The following NALCN variants were observed in gnomAD, a reference collection of about 807,000 sequenced individuals.
The protein encoded by NALCN is sodium leak channel, non-selective.
A neutral mutation model predicts 225.3 loss-of-function variants in NALCN; 111 were observed. The ratio of observed to expected loss-of-function variants is 0.49; its 90% CI spans 0.42 to 0.58. NALCN has a LOEUF of 0.58. Among genes scored for constraint, NALCN ranks in the 20% least tolerant of loss-of-function variants. The pLI is 0.00. For synonymous variants in NALCN, 764 were observed against 769.0 expected, an observed-to-expected ratio of 0.99 and a Z score of 0.11; for missense variants, 1,378 against 2,202.4, an observed-to-expected ratio of 0.63 and a Z score of 7.49.
chr13:101,202,334 A>G lies in NALCN; in HGVS notation c.1627-10280T>C, dbSNP rs2040154209. The stretch of plus-strand genomic sequence containing the variant: ...GGGTTAAGGAAAACCAATGAAGATG[A>G]CATGAAATGTATTTAAAATCCTATG... On this transcript the variant is annotated intron_variant, in intron 13 of 43. Coordinates refer to ENST00000251127, the MANE Select transcript of NALCN (RefSeq NM_052867.4). Among the ~76,000 whole-genome samples, 5 of 152,210 alleles carry G rather than the reference A, an allele frequency of 3.3e-5. No individual in the cohort carries two copies. The South Asian group carries it at 8.3e-4, about 25-fold the overall frequency.
intron 7 of NALCN, among the ~76,000 whole-genome samples, chr13:101,332,237 G>C (rs1008098507): frequency 6.6e-6 from 1 of 151,832 alleles, no homozygotes; most frequent in African/African-American, 2.4e-5. Context: ...TTGAAGAAAG[G>C]CATGAGTCTC....
At chr13:101,382,365 T>A (rs992565886) in intron 3 of NALCN, among the ~76,000 whole-genome samples, 1 of 152,124 alleles carries the variant, frequency 6.6e-6, no homozygotes, top group Non-Finnish European at 1.5e-5. Flanking sequence ...TCACAATGTA[T>A]TCTGATATGT....
chr13:101,158,039 C>A (rs2037991420), intron 15 of NALCN, among the ~76,000 whole-genome samples: 1 of 152,078 alleles, frequency 6.6e-6, no homozygotes, highest in Admixed American at 6.6e-5. Context: ...GGTGAGCAAC[C>A]AACTGTCTTT....
At chr13:101,210,495 G>A (rs1053019390) in intron 13 of NALCN, among the ~76,000 whole-genome samples, 5 of 151,936 alleles carry the variant, frequency 3.3e-5, no homozygotes, top group African/African-American at 9.7e-5. Flanking sequence ...ATAACTTGTC[G>A]GTTTGTCTTA....
intron 25 of NALCN, 139 bp from the exon 26 acceptor site, chr13:101,103,478 A>G (rs533218334): frequency 3.0e-6 from 3 of 1,016,544 alleles, no homozygotes; most frequent in South Asian, 1.7e-5. Context: ...TTAACTTTAA[A>G]CAACAAACCT....
chr13:101,279,826 AT>A (rs1435581340), intron 10 of NALCN, among the ~76,000 whole-genome samples: 33 of 74,286 alleles, frequency 4.4e-4, no homozygotes, highest in Non-Finnish European at 5.4e-4. Flanking sequence ...CAAAAAATAA[AT>A]AAATAAATAA....
Position 101,104,760 on chromosome 13 carries a change from C to T in NALCN, c.2637-110G>A. 6.4e-7 allele frequency: 1 copy of T among 1,553,898 alleles called. No individual in the cohort carries two copies. The highest frequency in any genetic ancestry group is 8.8e-7 in the Non-Finnish European group (1 of 1,137,086). On this transcript the variant is annotated intron_variant, in intron 23 of 43. Transcript: ENST00000251127. The surrounding 1 kb of genome is among the most constrained non-coding windows in gnomAD (Gnocchi z 4.2). Reference sequence around the variant, plus strand: ...ATCAACATGACTGGTATTTTAAAAACATCATTCCCCAATCATCTATTTCAT... The same window carrying T: ...ATCAACATGACTGGTATTTTAAAAATATCATTCCCCAATCATCTATTTCAT...
intron 28 of NALCN, 105 bp from the exon 29 acceptor site, chr13:101,090,071 T>C: frequency 6.5e-7 from 1 of 1,527,464 alleles, no homozygotes; most frequent in East Asian, 2.3e-5. Flanking sequence ...TGTGTGTGTG[T>C]GTGTATATAC....
chr13:101,253,054 A>G (rs944339227), intron 11 of NALCN, among the ~76,000 whole-genome samples: 1 of 152,114 alleles, frequency 6.6e-6, no homozygotes, highest in Non-Finnish European at 1.5e-5. Context: ...AATCATGTTC[A>G]TTATAACATA....
chr13:101,114,905 C>G (rs1401703044), intron 18 of NALCN, among the ~76,000 whole-genome samples: 2 of 152,166 alleles, frequency 1.3e-5, no homozygotes, highest in African/African-American at 4.8e-5. Context: ...CTCGTTCTCT[C>G]CATGCCATTT....
At chr13:101,146,675 T>A (rs2037360973) in intron 15 of NALCN, among the ~76,000 whole-genome samples, 1 of 152,188 alleles carries the variant, frequency 6.6e-6, no homozygotes, top group South Asian at 2.1e-4. Context: ...AATAAAGTAT[T>A]GTTAATTCAT....
chr13:101,168,318 C>T (rs925159783), intron 15 of NALCN, among the ~76,000 whole-genome samples: 3 of 152,148 alleles, frequency 2.0e-5, no homozygotes, highest in South Asian at 2.1e-4. Context: ...AGATATTCCA[C>T]CTAAGCTTTA....
intron 1 of NALCN, among the ~76,000 whole-genome samples, chr13:101,400,615 T>C (rs2047449506): frequency 6.6e-6 from 1 of 151,564 alleles, no homozygotes; most frequent in Admixed American, 6.6e-5. Context: ...ATGCAGTTTT[T>C]ACTGGAAAAG....
intron 7 of NALCN, among the ~76,000 whole-genome samples, chr13:101,302,783 G>A (rs1237899711): frequency 6.6e-6 from 1 of 151,984 alleles, no homozygotes; most frequent in Non-Finnish European, 1.5e-5. Flanking sequence ...TTACATATGT[G>A]AATAAAAATA....
chr13:101,202,692 A>G (rs1045652734), intron 13 of NALCN, among the ~76,000 whole-genome samples: 1 of 152,072 alleles, frequency 6.6e-6, no homozygotes, highest in Admixed American at 6.6e-5. Context: ...ACAGCCTCCA[A>G]AGGGACTTCG....
chr13:101,259,197 A>T (rs1307066282), intron 10 of NALCN, among the ~76,000 whole-genome samples: 1 of 152,130 alleles, frequency 6.6e-6, no homozygotes, highest in Non-Finnish European at 1.5e-5. Flanking sequence ...CTGAGGCTCA[A>T]AGAGGTTAAG....
At chr13:101,151,171 G>C (rs1030413453) in intron 15 of NALCN, among the ~76,000 whole-genome samples, 1 of 152,170 alleles carries the variant, frequency 6.6e-6, no homozygotes, top group Non-Finnish European at 1.5e-5. Flanking sequence ...ATTACACATC[G>C]GGCGGCTGAA....
intron 13 of NALCN, among the ~76,000 whole-genome samples, chr13:101,228,705 A>T (rs2041238865): frequency 6.6e-6 from 1 of 152,208 alleles, no homozygotes; most frequent in South Asian, 2.1e-4. Context: ...TGTCTTTATC[A>T]TCAGTGTAAG....
intron 7 of NALCN, among the ~76,000 whole-genome samples, chr13:101,297,102 G>C (rs563834547): frequency 5.0e-4 from 76 of 152,226 alleles, no homozygotes; most frequent in Admixed American, 6.5e-4. Context: ...TGTGTTTTGG[G>C]AGTACTCCCA....
Sources: gnomAD v4.1 joint callset for allele counts (sites outside exome capture counted in the v4.1 genomes callset) on GRCh38, gnomAD v4.1.1 for gene constraint, Gnocchi (gnomAD v3.1) non-coding constraint, MANE v1.5 for transcripts, NCBI Gene and HGNC (gene_info 2026-07-23, HGNC 2026-07-21) for gene names.